Variants in ZBTB16 observed in about 807,000 individuals in gnomAD.
ZBTB16 encodes zinc finger and BTB domain-containing protein 16.
A neutral mutation model predicts 56.8 loss-of-function variants in ZBTB16; 8 were observed. The ratio of observed to expected loss-of-function variants is 0.14; its 90% CI spans 0.08 to 0.25. The LOEUF (loss-of-function observed/expected upper bound fraction) is 0.25, where lower values mean the gene tolerates loss of function less well. Among genes scored for constraint, ZBTB16 ranks in the 10% least tolerant of loss-of-function variants. The pLI, the probability that ZBTB16 is intolerant of heterozygous loss-of-function variation, is 1.00. For missense variants in ZBTB16, 625 were observed against 903.0 expected, an observed-to-expected ratio of 0.69 and a Z score of 3.95; for synonymous variants, 363 against 368.5, an observed-to-expected ratio of 0.98 and a Z score of 0.17.
intron 4 of ZBTB16, among the ~76,000 whole-genome samples, chr11:114,204,696 AC>A (rs1943816012): frequency 6.6e-6 from 1 of 152,030 alleles, no homozygotes; most frequent in Non-Finnish European, 1.5e-5. Flanking sequence ...GCAGCTCATT[AC>A]CACCTCTCAC....
intron 4 of ZBTB16, among the ~76,000 whole-genome samples, chr11:114,214,698 G>T (rs76018413): frequency 2.0e-5 from 3 of 152,128 alleles, no homozygotes; most frequent in Non-Finnish European, 2.9e-5. Context: ...CCGCCTCCCG[G>T]GTTCAAGCGA....
chr11:114,145,257 T>C (rs1199077626), intron 2 of ZBTB16, among the ~76,000 whole-genome samples: 4 of 152,264 alleles, frequency 2.6e-5, no homozygotes, highest in Non-Finnish European at 4.4e-5. Context: ...AGTCTGGCAG[T>C]TCCTTAAAAG....
chr11:114,208,981 A>G (rs958426435), intron 4 of ZBTB16, among the ~76,000 whole-genome samples: 36 of 152,236 alleles, frequency 2.4e-4, no homozygotes, highest in African/African-American at 8.7e-4. Flanking sequence ...AAGTTTCAGA[A>G]GGAAGAGATT....
chr11:114,187,104 G>C (rs972849524), intron 4 of ZBTB16, 66 bp downstream of exon 4: 14 of 1,516,488 alleles, frequency 9.2e-6, no homozygotes, highest in Non-Finnish European at 1.3e-5. Context: ...GACATGAACT[G>C]TCTGGGTGGC....
chr11:114,133,615 C>G (rs1425521478), intron 2 of ZBTB16, among the ~76,000 whole-genome samples: 1 of 152,134 alleles, frequency 6.6e-6, no homozygotes, highest in African/African-American at 2.4e-5. Context: ...TTCCTGTGGT[C>G]CCTTTAGTGA....
chr11:114,079,266 C>T (rs749592376), intron 2 of ZBTB16, among the ~76,000 whole-genome samples: 5 of 152,052 alleles, frequency 3.3e-5, no homozygotes, highest in Admixed American at 6.6e-5. Flanking sequence ...GGATAAAAAA[C>T]GTGTAAAGTG....
chr11:114,250,938 G>T lies in ZBTB16; in HGVS notation c.*383G>T, dbSNP rs1312944752. Reference sequence around the variant, plus strand: ...TGGTCAGAGCCACACGGTCTGTGCCGGCCTTCCTCCACCAAGACCCCCAGG... The same window carrying T: ...TGGTCAGAGCCACACGGTCTGTGCCTGCCTTCCTCCACCAAGACCCCCAGG... On this transcript the variant is annotated 3_prime_UTR_variant, in exon 7 of 7. Transcript: ENST00000335953. The surrounding 1 kb of genome is among the most constrained non-coding windows in gnomAD (Gnocchi z 6.0). Among the ~76,000 whole-genome samples the T allele has an allele frequency of 2.0e-5, 3 of 152,170 alleles. No individual in the cohort carries two copies. The highest frequency in any genetic ancestry group is 7.2e-5 in the African/African-American group (3 of 41,444).
intron 4 of ZBTB16, among the ~76,000 whole-genome samples, chr11:114,225,571 T>C (rs531042143): frequency 6.6e-6 from 1 of 152,254 alleles, no homozygotes; most frequent in East Asian, 1.9e-4. Flanking sequence ...ACTAGATTCA[T>C]TTTTTCCTAA....
At chr11:114,249,770 T>C (rs1591816095) in intron 6 of ZBTB16, among the ~76,000 whole-genome samples, 2 of 2,122 alleles carry the variant, frequency 9.4e-4, no homozygotes, top group Non-Finnish European at 1.8e-3. Context: ...AGACTCCGTC[T>C]CAAAAAAAAA....
At chr11:114,178,427 A>G (rs1013722365) in intron 3 of ZBTB16, among the ~76,000 whole-genome samples, 9 of 152,184 alleles carry the variant, frequency 5.9e-5, no homozygotes, top group Admixed American at 3.3e-4. Flanking sequence ...TCACTTCTTC[A>G]GGGTGGTAGC....
At chr11:114,234,301 G>A (rs766482202) in intron 4 of ZBTB16, among the ~76,000 whole-genome samples, 8 of 152,196 alleles carry the variant, frequency 5.3e-5, no homozygotes, top group Non-Finnish European at 1.0e-4. Flanking sequence ...GTAACTGAAC[G>A]CCTCAGCAGT....
At chr11:114,181,355 G>T (rs1943245590) in intron 3 of ZBTB16, among the ~76,000 whole-genome samples, 1 of 152,192 alleles carries the variant, frequency 6.6e-6, no homozygotes, top group African/African-American at 2.4e-5. Flanking sequence ...GAGGCAACAG[G>T]CTCCCTGAGA....
intron 3 of ZBTB16, among the ~76,000 whole-genome samples, chr11:114,167,710 G>A (rs1403701499): frequency 3.3e-5 from 5 of 151,906 alleles, no homozygotes; most frequent in Non-Finnish European, 7.4e-5. Flanking sequence ...CCCTTTGAAT[G>A]GCAAGATTCT....
At chr11:114,101,910 C>T (rs1383407736) in intron 2 of ZBTB16, among the ~76,000 whole-genome samples, 5 of 152,172 alleles carry the variant, frequency 3.3e-5, no homozygotes, top group Admixed American at 2.0e-4. Flanking sequence ...GATGGTATCC[C>T]AGATGGGGAG....
At chr11:114,181,133 C>T (rs1184667239) in intron 3 of ZBTB16, among the ~76,000 whole-genome samples, 1 of 152,150 alleles carries the variant, frequency 6.6e-6, no homozygotes, top group Non-Finnish European at 1.5e-5. Flanking sequence ...GATAAATGGC[C>T]CCCAAATAAC....
At chr11:114,186,000 C>A (rs1943352518) in intron 3 of ZBTB16, among the ~76,000 whole-genome samples, 1 of 152,158 alleles carries the variant, frequency 6.6e-6, no homozygotes. Flanking sequence ...CAAGACGACA[C>A]AGTCCCTCCT....
intron 2 of ZBTB16, among the ~76,000 whole-genome samples, chr11:114,101,370 A>G (rs1446379126): frequency 1.3e-5 from 2 of 152,134 alleles, no homozygotes; most frequent in African/African-American, 4.8e-5. Flanking sequence ...GTAATTTAGA[A>G]TACCCACTCA....
rs762592730 is a variant in ZBTB16, at chr11:114,242,287, G to A, written c.1574G>A (p.Arg525His). The A allele has an allele frequency of 6.8e-6, 11 of 1,613,932 alleles. No individual in the cohort carries two copies. The highest frequency in any genetic ancestry group is 2.2e-5 in the East Asian group (1 of 44,870). ...VRSYICSECNRTFPSHTALKR... is the reference protein window; with the variant it reads ...VRSYICSECNHTFPSHTALKR... ...AGCTACATCTGCAGTGAGTGCAACCGCACCTTCCCCAGCCACACGGCTCTC... is the reference window on the plus strand; with the variant it reads ...AGCTACATCTGCAGTGAGTGCAACCACACCTTCCCCAGCCACACGGCTCTC... The change falls in exon 5 of 7, where the codon CGC becomes CAC. Residue 525 changes from arginine (R) to histidine (H), a missense_variant. This residue lies in a region of ZBTB16 where 140 missense variants were observed against 214.8 expected (regional missense o/e 0.65). Transcript: ENST00000335953.
At chr11:114,160,470 G>A (rs1416628984) in intron 3 of ZBTB16, among the ~76,000 whole-genome samples, 1 of 152,104 alleles carries the variant, frequency 6.6e-6, no homozygotes, top group African/African-American at 2.4e-5. Flanking sequence ...AAATCAGCCT[G>A]CAGGAGATCG....
Sources: gnomAD v4.1 joint callset for allele counts (sites outside exome capture counted in the v4.1 genomes callset) on GRCh38, gnomAD v4.1.1 for gene constraint, gnomAD v4.1.1 regional missense constraint, Gnocchi (gnomAD v3.1) non-coding constraint, MANE v1.5 for transcripts, NCBI Gene and HGNC (gene_info 2026-07-23, HGNC 2026-07-21) for gene names.